The following HPS5 variants were observed in gnomAD, a reference collection of about 807,000 sequenced individuals.
HPS5 encodes the protein HPS5 biogenesis of lysosomal organelles complex 2 subunit 2.
A neutral mutation model predicts 128.0 loss-of-function variants in HPS5; 83 were observed. The observed-to-expected ratio is 0.65, with a 90% CI of 0.54 to 0.78. HPS5 has a LOEUF of 0.78. Ranked by LOEUF, HPS5 falls within the 30% of genes least tolerant of loss-of-function variation. The pLI, the probability that HPS5 is intolerant of heterozygous loss-of-function variation, is 0.00. For missense variants in HPS5, 1,281 were observed against 1,326.2 expected (o/e 0.97, Z 0.53); for synonymous variants, 475 against 470.2 (o/e 1.01, Z -0.13).
Position 18,300,966 on chromosome 11 carries a change from T to C in HPS5, c.897-50A>G, listed in dbSNP as rs757820709. On this transcript the variant is annotated intron_variant, in intron 8 of 22. Transcript: ENST00000349215. ...TTCAAGTGTGCTAGGATACAAAAGT[T>C]TATAATTCCCCGAATTCAGATCCTT... 18 of 1,079,528 alleles carry C rather than the reference T, an allele frequency of 1.7e-5. No homozygotes were observed. The Admixed American group carries it at 2.6e-4, about 16-fold the overall frequency. 66.9% of individuals were successfully genotyped at this position (1,079,528 alleles called of 1,614,324 possible).
chr11:18,304,847 T>C (rs928269898), intron 8 of HPS5, among the ~76,000 whole-genome samples: 5 of 152,258 alleles, frequency 3.3e-5, no homozygotes, highest in Admixed American at 6.5e-5. Flanking sequence ...GGTGTAAGAA[T>C]TGGCAGGTCC....
chr11:18,296,908 G>A lies in HPS5; in HGVS notation c.1400C>T (p.Ser467Phe), dbSNP rs1861139826. ...GAGGGTTTGGCTGTGAAGGGAGCAA[G>A]AGTCTTCATCTGACTGACTGCCTCT... is the stretch of plus-strand genomic sequence containing the variant. ...SRRGSQSDED[S>F]CSLHSQTLSE... The change falls in exon 12 of 23, where the codon TCT (serine) becomes TTT (phenylalanine). Residue 467 changes from serine to phenylalanine, a missense_variant. Physicochemically the swap from Ser to Phe is radical, Grantham distance 155. Coordinates refer to ENST00000349215, the MANE Select transcript of HPS5 (RefSeq NM_181507.2). The A allele has an allele frequency of 1.9e-6, 3 of 1,611,390 alleles. No homozygotes were observed. Among genetic ancestry groups the A allele is most frequent in the African/African-American group, 1.3e-5 (1 of 74,820 alleles).
intron 2 of HPS5, among the ~76,000 whole-genome samples, chr11:18,312,886 ACCT>A (rs1168424230): frequency 6.6e-6 from 1 of 152,096 alleles, no homozygotes; most frequent in Admixed American, 6.5e-5. Context: ...CAGAACACTA[ACCT>A]CCTATGAGAT....
intron 2 of HPS5, among the ~76,000 whole-genome samples, chr11:18,312,500 G>A (rs955883194): frequency 2.6e-5 from 4 of 152,196 alleles, no homozygotes; most frequent in South Asian, 4.1e-4. Context: ...TGGTCATGCC[G>A]TGCCCAATAC....
chr11:18,291,484 T>TACTGTAGAGTATCAA lies in HPS5; in HGVS notation c.2397_2398insTTGATACTCTACAGT (p.Ser799_Asn800insLeuIleLeuTyrSer). 6.2e-7 allele frequency: 1 copy of TACTGTAGAGTATCAA among 1,613,346 alleles called. No homozygotes were observed. The highest frequency in any genetic ancestry group is 8.5e-7 in the Non-Finnish European group (1 of 1,179,374). On this transcript the variant is annotated inframe_insertion, in exon 16 of 23. Transcript: ENST00000349215. Reference sequence around the variant, plus strand: ...AAAGTATCCCAAACAGAAGGGCTATTACTGTAACTAAGCTTGATACTCTCC... The same window carrying TACTGTAGAGTATCAA: ...AAAGTATCCCAAACAGAAGGGCTATTACTGTAGAGTATCAAACTGTAACTAAGCTTGATACTCTCC...
At chr11:18,318,510 A>G (rs985521393) in intron 1 of HPS5, among the ~76,000 whole-genome samples, 1 of 152,210 alleles carries the variant, frequency 6.6e-6, no homozygotes, top group Non-Finnish European at 1.5e-5. Flanking sequence ...AACAAAAGAG[A>G]CTAGATAGGA....
Position 18,283,631 on chromosome 11 carries a change from G to A in HPS5, c.3058+164C>T, listed in dbSNP as rs181935300. On this transcript the variant is annotated intron_variant, in intron 21 of 22. Transcript: ENST00000349215. The stretch of plus-strand genomic sequence containing the variant: ...TTTCATAACATATCAAGGGCTATAG[G>A]TAAAAAACAAAAACAAAAACAAAAA... Among the ~76,000 whole-genome samples, 15 of 152,118 alleles carry A rather than the reference G, an allele frequency of 9.9e-5. No homozygotes were observed. In the East Asian group the frequency reaches 2.5e-3, roughly 25 times the overall value.
intron 5 of HPS5, among the ~76,000 whole-genome samples, chr11:18,310,180 G>T (rs990253354): frequency 3.9e-5 from 6 of 152,194 alleles, no homozygotes; most frequent in Non-Finnish European, 8.8e-5. Flanking sequence ...GGAGCATTCT[G>T]TTAGGGTAAC....
chr11:18,286,047 A>G (rs1859670895), intron 19 of HPS5, among the ~76,000 whole-genome samples: 2 of 152,248 alleles, frequency 1.3e-5, no homozygotes, highest in African/African-American at 4.8e-5. Context: ...AAAGTTTTGC[A>G]TGACTGCATT....
At chr11:18,311,815 T>C in intron 3 of HPS5, 99 bp downstream of exon 3, 1 of 969,256 alleles carries the variant, frequency 1.0e-6, no homozygotes, top group Non-Finnish European at 1.7e-6. Context: ...CAAGCCAAGT[T>C]CTACATTCTT....
chr11:18,285,564 T>A, intron 19 of HPS5, 105 bp from the exon 20 acceptor site: 1 of 774,112 alleles, frequency 1.3e-6, no homozygotes, highest in Non-Finnish European at 2.2e-6. Context: ...ATTCTATTAC[T>A]ACATTTTAAA....
rs200449378 is a variant in HPS5, at chr11:18,310,943, T to A, written c.285-10A>T. 6.2e-7 allele frequency: 1 copy of A among 1,613,554 alleles called. No individual in the cohort carries two copies. Among genetic ancestry groups the A allele is most frequent in the Non-Finnish European group, 8.5e-7 (1 of 1,179,500 alleles). On this transcript the variant is annotated splice_polypyrimidine_tract_variant and intron_variant, in intron 4 of 22. Transcript: ENST00000349215. ...AACCACAAGACCTTGACTGCAAGAA[T>A]TGAGTCACAGAGGCAAACGTGGCAA...
intron 2 of HPS5, among the ~76,000 whole-genome samples, chr11:18,315,726 C>A (rs560997974): frequency 5.9e-5 from 9 of 152,090 alleles, no homozygotes; most frequent in African/African-American, 2.2e-4. Flanking sequence ...CAGGAAAAAT[C>A]AACAGACCGG....
chr11:18,292,117 T>C (rs1860479745), intron 15 of HPS5, 98 bp from the exon 16 acceptor site: 1 of 860,542 alleles, frequency 1.2e-6, no homozygotes, highest in Admixed American at 2.1e-5. Flanking sequence ...TGTAACATAC[T>C]CATCTGGAAT....
intron 15 of HPS5, 91 bp downstream of exon 15, chr11:18,292,808 C>T: frequency 1.1e-6 from 1 of 928,768 alleles, no homozygotes; most frequent in East Asian, 2.4e-5. Flanking sequence ...ATATTTCATA[C>T]AAGGCCCATA....
rs1235647262 is a variant in HPS5 at position 18,282,097 on chromosome 11, T to C, written c.3182A>G (p.Asn1061Ser). The C allele has an allele frequency of 6.2e-7, 1 of 1,614,194 alleles. No homozygotes were observed. Residue 1061 changes from asparagine to serine, a missense_variant, in exon 22 of 23, where the codon AAT (asparagine) becomes AGT (serine). Transcript: ENST00000349215. ...TAACAGAAGTGCCACATTCTCCACA[T>C]TGATGGGGGAAGGCCCATCACTGAG... ...GSLSDGPSPINVENVALLLAK... is the reference protein window; with the variant it reads ...GSLSDGPSPISVENVALLLAK...
intron 2 of HPS5, 92 bp from the exon 3 acceptor site, chr11:18,312,116 A>C: frequency 1.0e-6 from 1 of 960,388 alleles, no homozygotes; most frequent in South Asian, 1.3e-5. Context: ...TTTATGCATC[A>C]GGCTCCTTCC....
intron 5 of HPS5, 92 bp from the exon 6 acceptor site, chr11:18,309,171 G>A: frequency 7.9e-7 from 1 of 1,270,548 alleles, no homozygotes; most frequent in Non-Finnish European, 1.1e-6. Flanking sequence ...AAAATAACTT[G>A]AATAGCAAAA....
chr11:18,308,731 G>A (rs1419409728), intron 6 of HPS5, among the ~76,000 whole-genome samples: 1 of 151,978 alleles, frequency 6.6e-6, no homozygotes, highest in African/African-American at 2.4e-5. Context: ...TAGGAGGATC[G>A]CTTGAGCCAG....
Sources: gnomAD v4.1 joint callset for allele counts (sites outside exome capture counted in the v4.1 genomes callset) on GRCh38, gnomAD v4.1.1 for gene constraint, MANE v1.5 for transcripts, NCBI Gene and HGNC (gene_info 2026-07-23, HGNC 2026-07-21) for gene names.